The following MYO9A variants were observed in gnomAD, a reference collection of about 807,000 sequenced individuals.
The protein encoded by MYO9A is myosin IXA.
Under a neutral mutation model 293.3 loss-of-function variants are expected in MYO9A, and 103 were observed. The observed-to-expected ratio is 0.35, with a 90% CI of 0.30 to 0.41. The LOEUF is 0.41. Ranked by LOEUF, MYO9A falls within the 10% of genes least tolerant of loss-of-function variation. The pLI is 1.00. For synonymous variants in MYO9A, 1,001 were observed against 1,035.7 expected, an observed-to-expected ratio of 0.97 and a Z score of 0.64; for missense variants, 2,685 against 3,033.0, an observed-to-expected ratio of 0.89 and a Z score of 2.69.
rs572529941 is a variant in MYO9A at position 72,109,611 on chromosome 15, G to A, written c.-72+8069C>T. ...GCAAAATAAGACAAAAATATTAGTC[G>A]GGTGCAGTGGTTCACGCCTGTAATC... is the stretch of plus-strand genomic sequence containing the variant. On this transcript the variant is annotated intron_variant, in intron 1 of 41. Coordinates refer to ENST00000356056, the MANE Select transcript of MYO9A (RefSeq NM_006901.4). Among the ~76,000 whole-genome samples the A allele has an allele frequency of 4.8e-4, 73 of 152,172 alleles. 1 individual carries two copies. Among genetic ancestry groups the A allele is most frequent in the African/African-American group, 1.6e-3 (68 of 41,510 alleles).
intron 19 of MYO9A, among the ~76,000 whole-genome samples, chr15:71,912,836 T>C (rs1033094902): frequency 6.6e-6 from 1 of 152,212 alleles, no homozygotes; most frequent in African/African-American, 2.4e-5. Flanking sequence ...TCTTGTCTTA[T>C]GGCTTTGATA....
intron 14 of MYO9A, among the ~76,000 whole-genome samples, chr15:71,957,615 T>C (rs893226213): frequency 6.6e-5 from 10 of 152,146 alleles, no homozygotes; most frequent in South Asian, 2.1e-4. Context: ...TTTTTGAAAA[T>C]AGATGGTCAC....
In MYO9A at chr15:71,916,491, T is replaced by G; in HGVS notation, c.2564A>C (p.His855Pro). 2 of 1,592,824 alleles carry G rather than the reference T, an allele frequency of 1.3e-6. No homozygotes were observed. Among genetic ancestry groups the G allele is most frequent in the Non-Finnish European group, 1.7e-6 (2 of 1,174,770 alleles). Residue 855 changes from histidine (H) to proline (P), a missense_variant and splice_region_variant, in exon 19 of 42, where the codon CAC (histidine) becomes CCC (proline). Physicochemically the swap from His to Pro is moderately conservative, Grantham distance 77 (BLOSUM62 -2). Transcript: ENST00000356056. ...CTTTAAAGAATTTACTTCTAGCAAG[T>G]GCTGAAAGAAGAGAAAAAATAAATT... ...NFKSKPALPK[H>P]LLEVNSLKHL...
At chr15:71,861,533 A>C (rs1197669690) in intron 33 of MYO9A, among the ~76,000 whole-genome samples, 1 of 148,250 alleles carries the variant, frequency 6.7e-6, no homozygotes, top group Non-Finnish European at 1.5e-5. Context: ...TAAAAGGATT[A>C]CAGTAGAAAA....
chr15:72,106,356 G>A (rs1369365038), intron 1 of MYO9A, among the ~76,000 whole-genome samples: 1 of 152,100 alleles, frequency 6.6e-6, no homozygotes, highest in African/African-American at 2.4e-5. Flanking sequence ...GGAAGGCACA[G>A]TGGCACGCAC....
intron 12 of MYO9A, 124 bp from the exon 13 acceptor site, chr15:71,968,249 T>G: frequency 4.1e-6 from 3 of 728,882 alleles, no homozygotes; most frequent in Non-Finnish European, 6.1e-6. Context: ...TTACAAAAGT[T>G]TTCACCTATA....
At chr15:71,961,820 A>T (rs1444424229) in intron 13 of MYO9A, among the ~76,000 whole-genome samples, 1 of 152,112 alleles carries the variant, frequency 6.6e-6, no homozygotes, top group Non-Finnish European at 1.5e-5. Flanking sequence ...TCCTGGACTC[A>T]GGCAATCCCC....
chr15:71,949,752 G>A (rs1342186487), intron 15 of MYO9A, among the ~76,000 whole-genome samples: 3 of 150,958 alleles, frequency 2.0e-5, no homozygotes, highest in Non-Finnish European at 4.4e-5. Context: ...TTTAATTTGG[G>A]TTTTAGCCCT....
At chr15:71,995,580 T>C (rs1456371441) in intron 9 of MYO9A, among the ~76,000 whole-genome samples, 2 of 147,326 alleles carry the variant, frequency 1.4e-5, no homozygotes, top group Non-Finnish European at 3.0e-5. Flanking sequence ...AAAAAGGGAG[T>C]AGAGTATGGC....
Position 71,854,541 on chromosome 15 carries a change from A to C in MYO9A, c.6182T>G (p.Phe2061Cys). 6.2e-7 allele frequency: 1 copy of C among 1,604,414 alleles called. No homozygotes were observed. The highest frequency in any genetic ancestry group is 1.1e-5 in the South Asian group (1 of 88,172). Residue 2061 changes from phenylalanine to cysteine, a missense_variant, in exon 35 of 42, where the codon TTT becomes TGT. Around this residue, in one of 10 missense-constraint regions of MYO9A, gnomAD observed 238 missense variants for 269.1 expected, o/e 0.88. Coordinates refer to ENST00000356056, the MANE Select transcript of MYO9A (RefSeq NM_006901.4). The stretch of plus-strand genomic sequence containing the variant: ...GGTCAAACGGGACAGTTCAACCCCA[A>C]ATTGTCGAGATGACAGCTCTGGATC... ...KYDPELSSRQ[F>C]GVELSRLTSE...
intron 36 of MYO9A, 80 bp from the exon 37 acceptor site, chr15:71,851,438 A>G: frequency 8.9e-7 from 1 of 1,127,546 alleles, no homozygotes; most frequent in South Asian, 1.6e-5. Context: ...CTATGAAGCA[A>G]AGAAGGCTGG....
At position 71,959,891 on chromosome 15, in the gene MYO9A, T is replaced by C. The variant is rs1204721036; in HGVS notation, c.2182+10A>G. Reference sequence around the variant, plus strand: ...TGAAGTATGGTAGAATACTAATAACTACTACTTACCAGTTTTTCTGTGAAT... The same window carrying C: ...TGAAGTATGGTAGAATACTAATAACCACTACTTACCAGTTTTTCTGTGAAT... On this transcript the variant is annotated intron_variant, in intron 14 of 41. Coordinates refer to ENST00000356056, the MANE Select transcript of MYO9A (RefSeq NM_006901.4). 6.5e-7 allele frequency: 1 copy of C among 1,542,108 alleles called. No individual in the cohort carries two copies. The highest frequency in any genetic ancestry group is 1.1e-5 in the South Asian group (1 of 89,584).
At chr15:72,074,423 A>C (rs143014943) in intron 1 of MYO9A, among the ~76,000 whole-genome samples, 69 of 152,322 alleles carry the variant, frequency 4.5e-4, no homozygotes, top group South Asian at 1.0e-3. Context: ...AGTCTGAAAA[A>C]AACAACAACA....
intron 12 of MYO9A, among the ~76,000 whole-genome samples, chr15:71,971,593 G>GA (rs1174585323): frequency 7.4e-4 from 40 of 53,696 alleles, no homozygotes; most frequent in African/African-American, 1.3e-3. Context: ...CAAAAAAAAA[G>GA]AAAAAAAAAG....
chr15:72,027,870 A>G, intron 3 of MYO9A, 77 bp from the exon 4 acceptor site: 1 of 1,074,828 alleles, frequency 9.3e-7, no homozygotes, highest in Non-Finnish European at 1.4e-6. Flanking sequence ...AGACAGTGTA[A>G]AAGTATAAAG....
chr15:71,935,551 A>G, intron 16 of MYO9A, 67 bp from the exon 17 acceptor site: 1 of 1,402,832 alleles, frequency 7.1e-7, no homozygotes, highest in Non-Finnish European at 9.5e-7. Flanking sequence ...TAAATAAGTA[A>G]AATAAAACTT....
At chr15:71,830,004 G>GT in intron 40 of MYO9A, 105 bp downstream of exon 40, 1 of 1,161,980 alleles carries the variant, frequency 8.6e-7, no homozygotes, top group South Asian at 1.3e-5. Context: ...CTGACACAGT[G>GT]TTTAACACAC....
rs2059290446 is a variant in MYO9A, at chr15:71,960,057, T to C, written c.2026A>G (p.Ile676Val). ...TTGCTGCTTCTCAGAAGAGCTACAA[T>C]GTCTGGGCGCATATGATCTGTATTT... is the stretch of plus-strand genomic sequence containing the variant. The part of the protein sequence containing the change: ...EKNTDHMRPD[I>V]VALLRSSKNA... The change falls in exon 14 of 42, where the codon ATT (isoleucine) becomes GTT (valine). Residue 676 changes from isoleucine to valine, a missense_variant. Coordinates refer to ENST00000356056, the MANE Select transcript of MYO9A (RefSeq NM_006901.4). The C allele has an allele frequency of 6.2e-7, 1 of 1,613,876 alleles. No individual in the cohort carries two copies. Among genetic ancestry groups the C allele is most frequent in the Non-Finnish European group, 8.5e-7 (1 of 1,179,954 alleles).
chr15:71,850,016 G>A lies in MYO9A; in HGVS notation c.6713+20C>T. 6.2e-7 allele frequency: 1 copy of A among 1,613,520 alleles called. No homozygotes were observed. Among genetic ancestry groups the A allele is most frequent in the Non-Finnish European group, 8.5e-7 (1 of 1,179,526 alleles). On this transcript the variant is annotated intron_variant, in intron 38 of 41. Transcript: ENST00000356056. ...CAGAAGTCCCTGAGGTCTTGCAAAG[G>A]TTATGGTAACTGGCCTTACGTGGTA...
Sources: gnomAD v4.1 joint callset for allele counts (sites outside exome capture counted in the v4.1 genomes callset) on GRCh38, gnomAD v4.1.1 for gene constraint, gnomAD v4.1.1 regional missense constraint, MANE v1.5 for transcripts, NCBI Gene and HGNC (gene_info 2026-07-23, HGNC 2026-07-21) for gene names.